ZSCAN2: variants seen among roughly 807,000 people sequenced by gnomAD.
The protein encoded by ZSCAN2 is zinc finger and SCAN domain containing 2.
ZSCAN2 carries 26 observed loss-of-function variants against 47.8 expected under a neutral mutation model. The observed-to-expected ratio is 0.54, with a 90% CI of 0.40 to 0.75. ZSCAN2 has a LOEUF of 0.75. ZSCAN2 is among the 30% of genes least tolerant of loss of function. The pLI is 0.00. For synonymous variants in ZSCAN2, 305 were observed against 288.7 expected (o/e 1.06, Z -0.57); for missense variants, 732 against 785.4 (o/e 0.93, Z 0.81).
At chr15:84,618,799 G>C (rs1895751855) in intron 2 of ZSCAN2, among the ~76,000 whole-genome samples, 1 of 152,016 alleles carries the variant, frequency 6.6e-6, no homozygotes, top group East Asian at 1.9e-4. Context: ...CCTGATCTCA[G>C]ATAATCTACC....
intron 2 of ZSCAN2, among the ~76,000 whole-genome samples, chr15:84,615,401 G>A (rs1895668473): frequency 1.3e-5 from 2 of 152,146 alleles, no homozygotes; most frequent in African/African-American, 2.4e-5. Context: ...TGCAAATATG[G>A]CTCACTGCAG....
At chr15:84,612,470 C>G (rs1895576591) in intron 2 of ZSCAN2, among the ~76,000 whole-genome samples, 1 of 152,190 alleles carries the variant, frequency 6.6e-6, no homozygotes, top group African/African-American at 2.4e-5. Flanking sequence ...AGCGGTAGCT[C>G]ATGCCTGTAA....
chr15:84,622,145 G>A lies in ZSCAN2; in HGVS notation c.*105G>A. 9.2e-7 allele frequency: 1 copy of A among 1,085,904 alleles called. No individual in the cohort carries two copies. The highest frequency in any genetic ancestry group is 1.3e-6 in the Non-Finnish European group (1 of 745,020). 67.3% of individuals were successfully genotyped at this position (1,085,904 alleles called of 1,614,324 possible). On this transcript the variant is annotated 3_prime_UTR_variant, in exon 3 of 3. Transcript: ENST00000546148. ...GCTGTGCTTCCTAAACATTCTGGGG[G>A]GTTTTGCCAGAGTCTTCCCCTTGCT...
intron 2 of ZSCAN2, among the ~76,000 whole-genome samples, chr15:84,604,940 G>A (rs1224891578): frequency 2.0e-5 from 3 of 151,964 alleles, no homozygotes; most frequent in Non-Finnish European, 4.4e-5. Context: ...GCTTCACCAT[G>A]TTCGCCAGAC....
chr15:84,621,934 A>C lies in ZSCAN2; in HGVS notation c.1739A>C (p.His580Pro). The C allele has an allele frequency of 6.2e-7, 1 of 1,614,214 alleles. No individual in the cohort carries two copies. Among genetic ancestry groups the C allele is most frequent in the South Asian group, 1.1e-5 (1 of 91,082 alleles). The change falls in exon 3 of 3, where the codon CAC (histidine) becomes CCC (proline). Residue 580 changes from histidine to proline, a missense_variant. By Grantham distance (77) the His-to-Pro change is moderately conservative. Coordinates refer to ENST00000546148, the MANE Select transcript of ZSCAN2 (RefSeq NM_181877.4). This position sits in a 1 kb window ranked among gnomAD's most constrained non-coding sequence, Gnocchi z 5.7. The stretch of plus-strand genomic sequence containing the variant: ...GTCCTCATTATACATCAGCGAATCC[A>C]CACTGGGGAGAAGCCCTACAAATGC... The part of the protein sequence containing the change: ...NSVLIIHQRI[H>P]TGEKPYKCPE...
At position 84,622,226 on chromosome 15, in the gene ZSCAN2, A is replaced by G; in HGVS notation, c.*186A>G. ...GTGGTCTGAGTCAAGTCCCGTATAC[A>G]TTCAAGAACAGGGCATAGGCGTGGA... On this transcript the variant is annotated 3_prime_UTR_variant, in exon 3 of 3. Transcript: ENST00000546148. The G allele has an allele frequency of 3.2e-6, 2 of 624,748 alleles. No individual in the cohort carries two copies. Among genetic ancestry groups the G allele is most frequent in the Non-Finnish European group, 5.7e-6 (2 of 351,280 alleles). 38.7% of individuals were successfully genotyped at this position (624,748 alleles called of 1,614,324 possible). A position where few individuals can be genotyped will look rare whatever the true frequency, so the allele number is the denominator to read the frequency against.
chr15:84,619,328 G>A (rs1165136967), intron 2 of ZSCAN2, among the ~76,000 whole-genome samples: 1 of 152,060 alleles, frequency 6.6e-6, no homozygotes, highest in Non-Finnish European at 1.5e-5. Context: ...TACTCGGGAG[G>A]CTGAGGCAAG....
intron 2 of ZSCAN2, among the ~76,000 whole-genome samples, chr15:84,613,707 G>C: frequency 6.8e-6 from 1 of 146,934 alleles, no homozygotes; most frequent in East Asian, 2.0e-4. Context: ...TAGAATCTCA[G>C]TCTGTCACCC....
At position 84,604,062 on chromosome 15, in the gene ZSCAN2, G is replaced by T. The variant is rs370985141; in HGVS notation, c.135G>T (p.Val45=). 1 of 1,614,144 alleles carries T rather than the reference G, an allele frequency of 6.2e-7. No homozygotes were observed. Among genetic ancestry groups the T allele is most frequent in the Non-Finnish European group, 8.5e-7 (1 of 1,180,024 alleles). ...ATGACTCCTGGGTGCAAGAAGCTGT[G>T]CTGCAGGAGGATGGCCCTGAGTCTG... is the stretch of plus-strand genomic sequence containing the variant. ...LEDDSWVQEA[V]LQEDGPESEP... The change falls in exon 2 of 3, where the codon GTG becomes GTT. Residue 45 remains valine (V), a synonymous_variant. Transcript: ENST00000546148.
chr15:84,621,154 A>C lies in ZSCAN2; in HGVS notation c.959A>C (p.Asn320Thr). ...ECGKSFSRSP[N>T]LIAHQRTHTG... ...GGCAAGAGCTTCAGCAGGAGTCCCA[A>C]CCTCATTGCACATCAGCGCACCCAC... is the stretch of plus-strand genomic sequence containing the variant. Residue 320 changes from asparagine to threonine, a missense_variant, in exon 3 of 3, where the codon AAC (asparagine) becomes ACC (threonine). This residue lies in a region of ZSCAN2 where 412 missense variants were observed against 498.0 expected (regional missense o/e 0.83). Coordinates refer to ENST00000546148, the MANE Select transcript of ZSCAN2 (RefSeq NM_181877.4). The surrounding 1 kb of genome is among the most constrained non-coding windows in gnomAD (Gnocchi z 5.7). 2 of 1,613,808 alleles carry C rather than the reference A, an allele frequency of 1.2e-6. No homozygotes were observed. The highest frequency in any genetic ancestry group is 1.7e-6 in the Non-Finnish European group (2 of 1,179,946).
Position 84,621,999 on chromosome 15 carries a change from A to G in ZSCAN2, c.1804A>G (p.Ile602Val). The change falls in exon 3 of 3, where the codon ATC (isoleucine) becomes GTC (valine). Residue 602 changes from isoleucine (I) to valine (V), a missense_variant. By Grantham distance (29) the Ile-to-Val change is conservative (BLOSUM62 3). This residue lies in a region of ZSCAN2 where 412 missense variants were observed against 498.0 expected (regional missense o/e 0.83). Transcript: ENST00000546148. The surrounding 1 kb of genome is among the most constrained non-coding windows in gnomAD (Gnocchi z 5.7). The part of the protein sequence containing the change: ...GKGFSNSSNF[I>V]THQRTHMKEK... Reference sequence around the variant, plus strand: ...AGGCTTCAGCAACAGCTCTAACTTTATCACACATCAGAGAACTCACATGAA... The same window carrying G: ...AGGCTTCAGCAACAGCTCTAACTTTGTCACACATCAGAGAACTCACATGAA... The G allele has an allele frequency of 6.2e-7, 1 of 1,612,624 alleles. No individual in the cohort carries two copies. The highest frequency in any genetic ancestry group is 8.5e-7 in the Non-Finnish European group (1 of 1,179,076).
chr15:84,609,544 A>AGG (rs1424558200), intron 2 of ZSCAN2, among the ~76,000 whole-genome samples: 1 of 152,208 alleles, frequency 6.6e-6, no homozygotes, highest in African/African-American at 2.4e-5. Flanking sequence ...CAGAATTCTT[A>AGG]GGGAGCGGTA....
intron 2 of ZSCAN2, among the ~76,000 whole-genome samples, chr15:84,610,485 T>G (rs1007562908): frequency 8.0e-6 from 1 of 125,736 alleles, no homozygotes; most frequent in Admixed American, 9.5e-5. Flanking sequence ...TCTTTCTTTC[T>G]TTCTTTTTTT....
In ZSCAN2 at chr15:84,616,751, AAATT is replaced by A. The variant is rs1015376293; in HGVS notation, c.407-3847_407-3844del. The A allele has an allele frequency of 5.3e-4, 500 of 944,448 alleles. 1 individual carries two copies. Among genetic ancestry groups the A allele is most frequent in the Middle Eastern group, 4.8e-3 (9 of 1,878 alleles). The allele number at this position is 944,448 out of a possible 1,614,324, so 58.5% of individuals were successfully genotyped here. ...GTTTTTGGTCATGTTAGTTTGCTAAAAATTAATCAGGGTCTTGGCCTGCAGGTTC... is the reference window on the plus strand; with the variant it reads ...GTTTTTGGTCATGTTAGTTTGCTAAAAATCAGGGTCTTGGCCTGCAGGTTC... On this transcript the variant is annotated intron_variant, in intron 2 of 2. Transcript: ENST00000546148.
chr15:84,611,456 AAAC>A (rs1272124125), intron 2 of ZSCAN2, among the ~76,000 whole-genome samples: 3 of 151,748 alleles, frequency 2.0e-5, no homozygotes, highest in Non-Finnish European at 1.5e-5. Flanking sequence ...CTGTCTCAAA[AAAC>A]AACAACAGGC....
At position 84,620,905 on chromosome 15, in the gene ZSCAN2, TC is replaced by T; in HGVS notation, c.711del (p.Ile238SerfsTer57). 6.2e-7 allele frequency: 1 copy of T among 1,614,104 alleles called. No individual in the cohort carries two copies. The highest frequency in any genetic ancestry group is 8.5e-7 in the Non-Finnish European group (1 of 1,180,016). ...CGKTFSRKSH[L>X]ITHERTHTGE... ...AAGACCTTCAGCCGGAAATCCCACC[TC>T]ATCACACACGAGAGGACCCACACAG... On this transcript the variant is annotated frameshift_variant, in exon 3 of 3. Transcript: ENST00000546148. LOFTEE classifies it high-confidence loss of function.
rs73447294 is a variant in ZSCAN2 at position 84,615,751 on chromosome 15, A to G, written c.407-4851A>G. The stretch of plus-strand genomic sequence containing the variant: ...GGTGCTTTCCAAGATGCCTATTCCC[A>G]TTGCGCTCCTTTTCCTGTTGTCTTC... On this transcript the variant is annotated intron_variant, in intron 2 of 2. Transcript: ENST00000546148. Among the ~76,000 whole-genome samples the G allele has an allele frequency of 9.2e-3, 1,400 of 151,618 alleles. 22 individuals are homozygous for G. Among genetic ancestry groups the G allele is most frequent in the African/African-American group, 0.033 (1,344 of 41,278 alleles).
rs767034176 is a variant in ZSCAN2 at position 84,621,071 on chromosome 15, C to T, written c.876C>T (p.Asn292=). 1.2e-6 allele frequency: 2 copies of T among 1,613,066 alleles called. No homozygotes were observed. The highest frequency in any genetic ancestry group is 2.2e-5 in the East Asian group (1 of 44,750). The part of the protein sequence containing the change: ...DCGKSFSRSA[N]LITHQRIHTG... ...GGAAGAGCTTTAGCCGGAGTGCCAACCTCATAACCCACCAGAGGATCCACA... is the reference window on the plus strand; with the variant it reads ...GGAAGAGCTTTAGCCGGAGTGCCAATCTCATAACCCACCAGAGGATCCACA... The change falls in exon 3 of 3, where the codon AAC becomes AAT. Residue 292 remains asparagine (N), a synonymous_variant. Coordinates refer to ENST00000546148, the MANE Select transcript of ZSCAN2 (RefSeq NM_181877.4). This position sits in a 1 kb window ranked among gnomAD's most constrained non-coding sequence, Gnocchi z 5.7.
intron 2 of ZSCAN2, among the ~76,000 whole-genome samples, chr15:84,617,709 G>A (rs1895727692): frequency 6.6e-6 from 1 of 152,224 alleles, no homozygotes; most frequent in African/African-American, 2.4e-5. Flanking sequence ...GGCCAAGGCA[G>A]GAGGATCACT....
Sources: gnomAD v4.1 joint callset for allele counts (sites outside exome capture counted in the v4.1 genomes callset) on GRCh38, gnomAD v4.1.1 for gene constraint, gnomAD v4.1.1 regional missense constraint, Gnocchi (gnomAD v3.1) non-coding constraint, MANE v1.5 for transcripts, NCBI Gene and HGNC (gene_info 2026-07-23, HGNC 2026-07-21) for gene names.